Variants in ADAMTS19 observed in about 807,000 individuals in gnomAD.
The protein encoded by ADAMTS19 is ADAM metallopeptidase with thrombospondin type 1 motif 19, also known as A disintegrin and metalloproteinase with thrombospondin motifs 19.
A neutral mutation model predicts 153.3 loss-of-function variants in ADAMTS19; 93 were observed. The ratio of observed to expected loss-of-function variants is 0.61; its 90% confidence interval spans 0.51 to 0.72. ADAMTS19 has a LOEUF of 0.72. ADAMTS19 is among the 30% of genes least tolerant of loss of function. ADAMTS19 has a pLI of 0.00. For missense variants in ADAMTS19, 1,482 were observed against 1,552.1 expected, an observed-to-expected ratio of 0.95 and a Z score of 0.76; for synonymous variants, 600 against 556.6, an observed-to-expected ratio of 1.08 and a Z score of -1.10.
intron 21 of ADAMTS19, among the ~76,000 whole-genome samples, chr5:129,729,500 A>G: frequency 6.6e-6 from 1 of 152,030 alleles, no homozygotes; most frequent in Admixed American, 6.5e-5. Flanking sequence ...ATTAGATTCT[A>G]AGGCTAAAAG....
intron 7 of ADAMTS19, among the ~76,000 whole-genome samples, chr5:129,573,760 A>C (rs891936914): frequency 1.3e-5 from 2 of 152,108 alleles, no homozygotes; most frequent in African/African-American, 4.8e-5. Context: ...GATTGTTCTT[A>C]AGATTTTTCT....
chr5:129,658,351 A>AAGAGAGAGAGAG (rs1212857566), intron 14 of ADAMTS19, among the ~76,000 whole-genome samples: 2 of 133,140 alleles, frequency 1.5e-5, no homozygotes, highest in Non-Finnish European at 3.2e-5. Context: ...GAAAGAAAGA[A>AAGAGAGAGAGAG]AGAAAGAAAG....
At chr5:129,523,973 A>T (rs1751915177) in intron 3 of ADAMTS19, among the ~76,000 whole-genome samples, 1 of 152,194 alleles carries the variant, frequency 6.6e-6, no homozygotes, top group African/African-American at 2.4e-5. Flanking sequence ...TGTAAATTTC[A>T]TATGGAACCA....
intron 6 of ADAMTS19, among the ~76,000 whole-genome samples, chr5:129,535,138 A>G (rs913819522): frequency 1.3e-5 from 2 of 152,202 alleles, no homozygotes; most frequent in African/African-American, 4.8e-5. Flanking sequence ...CTGTTTGCAG[A>G]TGACATGATT....
intron 3 of ADAMTS19, among the ~76,000 whole-genome samples, chr5:129,525,656 C>T (rs1417697129): frequency 2.6e-5 from 4 of 151,890 alleles, no homozygotes; most frequent in East Asian, 3.9e-4. Flanking sequence ...TTTTAATAAA[C>T]GGAAGTTCTT....
chr5:129,510,432 C>T (rs1395278044), intron 3 of ADAMTS19, among the ~76,000 whole-genome samples: 4 of 151,774 alleles, frequency 2.6e-5, no homozygotes, highest in Non-Finnish European at 5.9e-5. Context: ...AGTCTCTCTC[C>T]ACGTCACAGT....
chr5:129,461,311 G>A lies in ADAMTS19; in HGVS notation c.301G>A (p.Val101Met), dbSNP rs897345569. The A allele has an allele frequency of 3.0e-6, 4 of 1,322,134 alleles. No individual in the cohort carries two copies. Among genetic ancestry groups the A allele is most frequent in the African/African-American group, 1.5e-5 (1 of 64,596 alleles). The allele number at this position is 1,322,134 out of a possible 1,614,324, so 81.9% of individuals were successfully genotyped here. Residue 101 changes from valine (V) to methionine (M), a missense_variant, in exon 2 of 23, where the codon GTG becomes ATG. Coordinates refer to ENST00000274487, the MANE Select transcript of ADAMTS19 (RefSeq NM_133638.6). This position sits in a 1 kb window ranked among gnomAD's most constrained non-coding sequence, Gnocchi z 4.6. ...GGCTCCGGTGCCTTTGGAGGAGCCC[G>A]TGGAGGGCCGATCAGAGTCCCGGCT... ...SVAPVPLEEPVEGRSESRLRP... is the reference protein window; with the variant it reads ...SVAPVPLEEPMEGRSESRLRP...
rs145223730 is a variant in ADAMTS19 at position 129,558,889 on chromosome 5, T to C, written c.1372+6982T>C. On this transcript the variant is annotated intron_variant, in intron 7 of 22. Coordinates refer to ENST00000274487, the MANE Select transcript of ADAMTS19 (RefSeq NM_133638.6). ...AAAATTTGAGATTAATTCATATGGT[T>C]TAAATTTGCAAAAACAGGAGTCTAT... Among the ~76,000 whole-genome samples the C allele has an allele frequency of 8.5e-3, 1,269 of 150,040 alleles. 8 individuals are homozygous for C. Among genetic ancestry groups the C allele is most frequent in the Non-Finnish European group, 0.01 (692 of 67,486 alleles).
chr5:129,672,639 A>G (rs1362476312), intron 16 of ADAMTS19, among the ~76,000 whole-genome samples: 1 of 152,182 alleles, frequency 6.6e-6, no homozygotes, highest in East Asian at 1.9e-4. Flanking sequence ...AAATGTATCT[A>G]TATTAACCTT....
intron 8 of ADAMTS19, among the ~76,000 whole-genome samples, chr5:129,611,978 TTTA>T (rs1291025978): frequency 6.6e-6 from 1 of 151,924 alleles, no homozygotes; most frequent in Non-Finnish European, 1.5e-5. Flanking sequence ...TCTATTTTAT[TTTA>T]TTATTATTAT....
At chr5:129,590,678 C>G (rs1750090986) in intron 7 of ADAMTS19, among the ~76,000 whole-genome samples, 1 of 152,070 alleles carries the variant, frequency 6.6e-6, no homozygotes, top group Non-Finnish European at 1.5e-5. Flanking sequence ...TCCTAGATCA[C>G]CTTCTTGTCT....
chr5:129,528,930 A>G (rs926055086), intron 6 of ADAMTS19, among the ~76,000 whole-genome samples: 1 of 152,140 alleles, frequency 6.6e-6, no homozygotes, highest in African/African-American at 2.4e-5. Context: ...CCTCAAAGGC[A>G]TAGTCATTGA....
chr5:129,576,509 T>C (rs1413699849), intron 7 of ADAMTS19, among the ~76,000 whole-genome samples: 1 of 152,134 alleles, frequency 6.6e-6, no homozygotes. Flanking sequence ...AAGTTTCTAT[T>C]TCACTTAATT....
At chr5:129,629,454 ACT>A (rs1752194234) in intron 10 of ADAMTS19, among the ~76,000 whole-genome samples, 1 of 151,998 alleles carries the variant, frequency 6.6e-6, no homozygotes, top group Admixed American at 6.6e-5. Context: ...AAACAAGGTA[ACT>A]CTGAATCTGA....
intron 2 of ADAMTS19, 26 bp from the exon 3 acceptor site, chr5:129,509,051 A>T (rs770146501): frequency 6.6e-7 from 1 of 1,505,880 alleles, no homozygotes; most frequent in East Asian, 2.4e-5. Context: ...TATTTCTTAC[A>T]TATCTTTTTG....
Position 129,658,649 on chromosome 5 carries a change from T to G in ADAMTS19, c.2337T>G (p.Leu779=). 2 of 1,613,366 alleles carry G rather than the reference T, an allele frequency of 1.2e-6. No homozygotes were observed. Among genetic ancestry groups the G allele is most frequent in the South Asian group, 1.1e-5 (1 of 90,938 alleles). ...KVGCDGLLGS[L]AREDHCGVCN... ...GCTGTGATGGTTTATTAGGGTCTCT[T>G]GCAAGAGAAGATCATTGTGGTGTAT... Residue 779 remains leucine (L), a synonymous_variant, in exon 15 of 23, where the codon CTT becomes CTG. Transcript: ENST00000274487.
chr5:129,523,331 A>G (rs1751891408), intron 3 of ADAMTS19, among the ~76,000 whole-genome samples: 1 of 152,170 alleles, frequency 6.6e-6, no homozygotes, highest in Non-Finnish European at 1.5e-5. Context: ...TTGAATATAC[A>G]TGTTTCACTC....
intron 7 of ADAMTS19, among the ~76,000 whole-genome samples, chr5:129,558,975 G>A (rs186217022): frequency 3.0e-4 from 46 of 152,114 alleles, no homozygotes; most frequent in Non-Finnish European, 6.0e-4. Flanking sequence ...TCATAAAGAA[G>A]CTATATTAAT....
At chr5:129,504,500 G>A in intron 2 of ADAMTS19, among the ~76,000 whole-genome samples, 1 of 152,076 alleles carries the variant, frequency 6.6e-6, no homozygotes, top group Non-Finnish European at 1.5e-5. Flanking sequence ...ATACTTATCA[G>A]TTTTTTGTGA....
Sources: gnomAD v4.1 joint callset for allele counts (sites outside exome capture counted in the v4.1 genomes callset) on GRCh38, gnomAD v4.1.1 for gene constraint, Gnocchi (gnomAD v3.1) non-coding constraint, MANE v1.5 for transcripts, NCBI Gene and HGNC (gene_info 2026-07-23, HGNC 2026-07-21) for gene names.